Variants in TTC7B observed in about 807,000 individuals in gnomAD.
TTC7B encodes the protein tetratricopeptide repeat domain 7B.
Under a neutral mutation model 106.8 loss-of-function variants are expected in TTC7B, and 28 were observed. The observed-to-expected ratio is 0.26, with a 90% CI of 0.19 to 0.36. The LOEUF (loss-of-function observed/expected upper bound fraction) is 0.36. Among genes scored for constraint, TTC7B ranks in the 10% least tolerant of loss-of-function variants. The pLI is 1.00. For missense variants in TTC7B, 862 were observed against 1,076.4 expected (o/e 0.80, Z 2.79); for synonymous variants, 405 against 430.6 (o/e 0.94, Z 0.74).
In TTC7B at chr14:90,529,460, T is replaced by C. The variant is rs900378471; in HGVS notation, c.*11908A>G. The C allele has an allele frequency of 2.6e-5, 4 of 152,244 alleles. No homozygotes were observed. Among genetic ancestry groups the C allele is most frequent in the African/African-American group, 9.6e-5 (4 of 41,452 alleles). The allele number at this position is 152,244 out of a possible 1,614,324, so 9.4% of individuals were successfully genotyped here. On this transcript the variant is annotated 3_prime_UTR_variant, in exon 20 of 20. Coordinates refer to ENST00000328459, the MANE Select transcript of TTC7B (RefSeq NM_001010854.2). ...TAAGCCCTCAATAAATATAGCCTGATGAACTGCCATTCTGCCTATCCGAAT... is the reference window on the plus strand; with the variant it reads ...TAAGCCCTCAATAAATATAGCCTGACGAACTGCCATTCTGCCTATCCGAAT...
chr14:90,666,684 C>T (rs1236847960), intron 9 of TTC7B, among the ~76,000 whole-genome samples: 1 of 152,198 alleles, frequency 6.6e-6, no homozygotes, highest in Non-Finnish European at 1.5e-5. Context: ...TATCCATGCC[C>T]CACCTCTTCC....
intron 17 of TTC7B, among the ~76,000 whole-genome samples, chr14:90,604,861 G>A (rs112819970): frequency 1.3e-4 from 20 of 152,118 alleles, no homozygotes; most frequent in African/African-American, 3.1e-4. Flanking sequence ...CAAAATTTCC[G>A]TGTTATTTAA....
At chr14:90,751,442 T>A (rs1890131792) in intron 3 of TTC7B, among the ~76,000 whole-genome samples, 2 of 152,214 alleles carry the variant, frequency 1.3e-5, no homozygotes, top group South Asian at 4.1e-4. Context: ...TCTACCAGGC[T>A]GCAGTACAGT....
chr14:90,646,410 C>T (rs1031899574), intron 14 of TTC7B, among the ~76,000 whole-genome samples: 1 of 152,216 alleles, frequency 6.6e-6, no homozygotes, highest in Admixed American at 6.5e-5. Flanking sequence ...TTGCCCCTCC[C>T]GCAAGGAGAT....
rs1367348563 is a variant in TTC7B, at chr14:90,780,661, G to A, written c.445+77C>T. 3.8e-5 allele frequency: 57 copies of A among 1,514,584 alleles called. No individual in the cohort carries two copies. In the Admixed American group the frequency reaches 4.1e-4, roughly 11 times the overall value. 93.8% of individuals were successfully genotyped at this position (1,514,584 alleles called of 1,614,324 possible). On this transcript the variant is annotated intron_variant, in intron 3 of 19. Coordinates refer to ENST00000328459, the MANE Select transcript of TTC7B (RefSeq NM_001010854.2). Reference sequence around the variant, plus strand: ...AGGTTCATCACCAGCCAAGGGCCAAGGGTCAAATAGGCAGCTCCGAAGAGG... The same window carrying A: ...AGGTTCATCACCAGCCAAGGGCCAAAGGTCAAATAGGCAGCTCCGAAGAGG...
At position 90,705,163 on chromosome 14, in the gene TTC7B, C is replaced by T. The variant is rs530412172; in HGVS notation, c.699-9585G>A. ...TCTTCAGGACAGAGACTGGGTCCCT[C>T]CCACTAGGATGGAGTATGATCCAGC... On this transcript the variant is annotated intron_variant, in intron 5 of 19. Coordinates refer to ENST00000328459, the MANE Select transcript of TTC7B (RefSeq NM_001010854.2). Among the ~76,000 whole-genome samples the T allele has an allele frequency of 9.2e-5, 14 of 152,246 alleles. No individual in the cohort carries two copies. In the South Asian group the frequency reaches 2.9e-3, roughly 32 times the overall value.
chr14:90,643,977 AAAG>A lies in TTC7B; in HGVS notation c.1751+68_1751+70del. 4 of 1,576,162 alleles carry A rather than the reference AAAG, an allele frequency of 2.5e-6. No individual in the cohort carries two copies. The South Asian group carries it at 4.4e-5, about 18-fold the overall frequency. On this transcript the variant is annotated intron_variant, in intron 15 of 19. Coordinates refer to ENST00000328459, the MANE Select transcript of TTC7B (RefSeq NM_001010854.2). ...TCCATGAGGGACTTAGACAGATTGGAAAGAAGGCAGGGGAAGAAGTAAATTTAA... is the reference window on the plus strand; with the variant it reads ...TCCATGAGGGACTTAGACAGATTGGAAAGGCAGGGGAAGAAGTAAATTTAA...
At chr14:90,783,153 C>T (rs927760451) in intron 2 of TTC7B, among the ~76,000 whole-genome samples, 2 of 152,182 alleles carry the variant, frequency 1.3e-5, no homozygotes, top group African/African-American at 4.8e-5. Flanking sequence ...GTGTCAGGGG[C>T]CACCTTGCTC....
intron 3 of TTC7B, among the ~76,000 whole-genome samples, chr14:90,755,165 G>A (rs2140010829): frequency 6.6e-6 from 1 of 152,320 alleles, no homozygotes; most frequent in Non-Finnish European, 1.5e-5. Flanking sequence ...ATGCTGCTAT[G>A]AGCATTGAGG....
In TTC7B at chr14:90,657,015, G is replaced by A. The variant is rs574725138; in HGVS notation, c.1341+159C>T. Among the ~76,000 whole-genome samples the A allele has an allele frequency of 3.9e-5, 6 of 152,312 alleles. No individual in the cohort carries two copies. The highest frequency in any genetic ancestry group is 1.2e-4 in the African/African-American group (5 of 41,580). ...GGGGGAGTGGATGAGGCCTGAGGAG[G>A]CCAGGGGCCCAGGCCCAGGGTCCGT... On this transcript the variant is annotated intron_variant, in intron 11 of 19. Transcript: ENST00000328459. This position sits in a 1 kb window ranked among gnomAD's most constrained non-coding sequence, Gnocchi z 4.2.
intron 5 of TTC7B, among the ~76,000 whole-genome samples, chr14:90,702,211 T>C (rs547094995): frequency 6.6e-6 from 1 of 152,282 alleles, no homozygotes; most frequent in African/African-American, 2.4e-5. Context: ...AAAATGGAAA[T>C]AACAACTGTA....
chr14:90,714,362 T>G (rs934613507), intron 5 of TTC7B, among the ~76,000 whole-genome samples: 123 of 151,590 alleles, frequency 8.1e-4, no homozygotes, highest in African/African-American at 2.9e-3. Context: ...GGGCAGGGGG[T>G]GGCAGAAGGA....
intron 6 of TTC7B, among the ~76,000 whole-genome samples, chr14:90,695,122 T>C (rs551716185): frequency 2.4e-3 from 335 of 139,450 alleles, no homozygotes; most frequent in African/African-American, 8.3e-3. Flanking sequence ...AAAATAGGTA[T>C]ATTTTATATA....
intron 5 of TTC7B, among the ~76,000 whole-genome samples, chr14:90,724,028 T>C (rs779854814): frequency 3.3e-5 from 5 of 152,170 alleles, no homozygotes; most frequent in African/African-American, 4.8e-5. Context: ...TCCTGTAGAA[T>C]ACACACAATA....
chr14:90,571,821 T>C (rs1310415784), intron 19 of TTC7B, among the ~76,000 whole-genome samples: 1 of 152,220 alleles, frequency 6.6e-6, no homozygotes. Flanking sequence ...AAGGGAAAAC[T>C]GCAGATGTGC....
intron 3 of TTC7B, among the ~76,000 whole-genome samples, chr14:90,755,247 C>A (rs1032837680): frequency 2.0e-5 from 3 of 152,174 alleles, no homozygotes; most frequent in Non-Finnish European, 4.4e-5. Context: ...TAGACATATA[C>A]CTAGGGTGGA....
chr14:90,606,143 T>A (rs545774788), intron 17 of TTC7B, among the ~76,000 whole-genome samples: 3 of 152,236 alleles, frequency 2.0e-5, no homozygotes, highest in Non-Finnish European at 1.5e-5. Context: ...TTGTTTTTTA[T>A]GAGAAGCACT....
At chr14:90,724,448 G>A (rs554284768) in intron 5 of TTC7B, among the ~76,000 whole-genome samples, 2 of 152,266 alleles carry the variant, frequency 1.3e-5, no homozygotes, top group African/African-American at 4.8e-5. Flanking sequence ...CTGGTAGGGG[G>A]TGACTGGACC....
chr14:90,585,460 C>T (rs1891673343), intron 18 of TTC7B, among the ~76,000 whole-genome samples: 1 of 152,222 alleles, frequency 6.6e-6, no homozygotes, highest in Non-Finnish European at 1.5e-5. Flanking sequence ...AACAACTCAT[C>T]TGTGTCCTCT....
Sources: gnomAD v4.1 joint callset for allele counts (sites outside exome capture counted in the v4.1 genomes callset) on GRCh38, gnomAD v4.1.1 for gene constraint, Gnocchi (gnomAD v3.1) non-coding constraint, MANE v1.5 for transcripts, NCBI Gene and HGNC (gene_info 2026-07-23, HGNC 2026-07-21) for gene names.